Variants in ABHD2 observed in about 807,000 individuals in gnomAD.
ABHD2 encodes the protein abhydrolase domain containing 2, acylglycerol lipase, also known as monoacylglycerol lipase ABHD2.
Under a neutral mutation model 48.1 loss-of-function variants are expected in ABHD2, and 20 were observed. That is an observed-to-expected ratio of 0.42 (90% CI 0.29 to 0.60). The LOEUF (loss-of-function observed/expected upper bound fraction) is 0.60, where lower values mean the gene tolerates loss of function less well. Among genes scored for constraint, ABHD2 ranks in the 20% least tolerant of loss-of-function variants. The pLI is 0.24. For synonymous variants in ABHD2, 209 were observed against 214.2 expected, an observed-to-expected ratio of 0.98 and a Z score of 0.21; for missense variants, 405 against 550.9, an observed-to-expected ratio of 0.74 and a Z score of 2.65.
intron 1 of ABHD2, among the ~76,000 whole-genome samples, chr15:89,111,931 G>T (rs1479839063): frequency 6.6e-6 from 1 of 150,804 alleles, no homozygotes; most frequent in Non-Finnish European, 1.5e-5. Context: ...TTTTTCTAGG[G>T]ATTTTTTATT....
chr15:89,118,124 C>T (rs897165404), intron 3 of ABHD2, among the ~76,000 whole-genome samples: 5 of 151,950 alleles, frequency 3.3e-5, no homozygotes, highest in Non-Finnish European at 5.9e-5. Flanking sequence ...AGGGTGTGCA[C>T]GGTATATGTT....
intron 5 of ABHD2, among the ~76,000 whole-genome samples, chr15:89,171,663 C>T (rs896711085): frequency 1.3e-5 from 2 of 152,142 alleles, no homozygotes; most frequent in African/African-American, 4.8e-5. Flanking sequence ...GGCTAAGCAG[C>T]GCCCCCATCT....
rs1204005233 is a variant in ABHD2, at chr15:89,155,615, A to T, written c.538+81A>T. The T allele has an allele frequency of 2.0e-6, 3 of 1,528,616 alleles. No individual in the cohort carries two copies. In the African/African-American group the frequency reaches 4.2e-5, roughly 21 times the overall value. The allele number at this position is 1,528,616 out of a possible 1,614,324, so 94.7% of individuals were successfully genotyped here. On this transcript the variant is annotated intron_variant, in intron 5 of 10. Coordinates refer to ENST00000352732, the MANE Select transcript of ABHD2 (RefSeq NM_152924.5). This position sits in a 1 kb window ranked among gnomAD's most constrained non-coding sequence, Gnocchi z 4.9. ...CTTCTGCCTTGTTTTTTCTTTTTTT[A>T]AGTTTTAAACCTATGCCCATCTGCA...
At chr15:89,180,104 G>C (rs2051083552) in intron 6 of ABHD2, among the ~76,000 whole-genome samples, 1 of 152,186 alleles carries the variant, frequency 6.6e-6, no homozygotes, top group Non-Finnish European at 1.5e-5. Flanking sequence ...TGTGCCATCA[G>C]TAATTTTGAA....
chr15:89,144,138 T>C (rs530520636), intron 3 of ABHD2, among the ~76,000 whole-genome samples: 14 of 152,146 alleles, frequency 9.2e-5, no homozygotes, highest in Non-Finnish European at 1.8e-4. Context: ...CCAATGTCTT[T>C]TTTCTTTTTT....
intron 10 of ABHD2, 74 bp downstream of exon 10, chr15:89,193,393 C>T: frequency 8.3e-7 from 1 of 1,198,018 alleles, no homozygotes; most frequent in East Asian, 2.3e-5. Context: ...CTTCACCATG[C>T]TGTCATCTCC....
upstream of ABHD2, among the ~76,000 whole-genome samples, chr15:89,085,335 G>A (rs1901332825): frequency 6.7e-6 from 1 of 150,114 alleles, no homozygotes; most frequent in Non-Finnish European, 1.5e-5. The surrounding 1 kb of genome is among the most constrained non-coding windows in gnomAD (Gnocchi z 4.2). Context: ...AATCCCAACG[G>A]GCCACTAAAC....
At chr15:89,158,393 G>A (rs1284993917) in intron 5 of ABHD2, among the ~76,000 whole-genome samples, 3 of 152,212 alleles carry the variant, frequency 2.0e-5, no homozygotes, top group Non-Finnish European at 4.4e-5. Flanking sequence ...GTACTGTTGG[G>A]GCTGTAGGCC....
the ABHD2 span, among the ~76,000 whole-genome samples, chr15:89,057,262 A>G: frequency 3.3e-5 from 5 of 152,194 alleles, no homozygotes; most frequent in South Asian, 4.1e-4. Flanking sequence ...TAAAGGATCT[A>G]TTGAAGCCCC....
Position 89,151,918 on chromosome 15 carries a change from A to G in ABHD2, c.370+66A>G. ...GAAGGAGCACTAGTCAGTGGAGAGC[A>G]CAGCAGTGTGAATACTTGTGCCACT... is the stretch of plus-strand genomic sequence containing the variant. On this transcript the variant is annotated intron_variant, in intron 4 of 10. Transcript: ENST00000352732. The surrounding 1 kb of genome is among the most constrained non-coding windows in gnomAD (Gnocchi z 4.7). The G allele has an allele frequency of 4.5e-6, 7 of 1,557,454 alleles. No homozygotes were observed. The highest frequency in any genetic ancestry group is 6.1e-6 in the Non-Finnish European group (7 of 1,148,608).
chr15:89,172,720 A>G (rs1456908751), intron 5 of ABHD2, among the ~76,000 whole-genome samples: 1 of 152,232 alleles, frequency 6.6e-6, no homozygotes, highest in Non-Finnish European at 1.5e-5. Context: ...AAACAACTCT[A>G]CGAAGTCTTT....
In ABHD2 at chr15:89,183,380, AAAAAATATATAT is replaced by A. The variant is rs1413795475; in HGVS notation, c.723-2042_723-2031del. Reference sequence around the variant, plus strand: ...CATCAGTCCTTTTCAAAAAAAAAAAAAAAAATATATATATATATATATATATATATATATATG... The same window carrying A: ...CATCAGTCCTTTTCAAAAAAAAAAAAATATATATATATATATATATATATG... On this transcript the variant is annotated intron_variant, in intron 6 of 10. Transcript: ENST00000352732. 7.2e-4 allele frequency: 42 copies of A among 58,408 alleles called. 1 individual carries two copies. The highest frequency in any genetic ancestry group is 7.9e-3 in the Middle Eastern group (1 of 126). 3.6% of individuals were successfully genotyped at this position (58,408 alleles called of 1,614,324 possible). A position where few individuals can be genotyped will look rare whatever the true frequency, so the allele number is the denominator to read the frequency against.
At position 89,106,968 on chromosome 15, in the gene ABHD2, G is replaced by C. The variant is rs1247313668; in HGVS notation, c.-106-6757G>C. Among the ~76,000 whole-genome samples the C allele has an allele frequency of 1.3e-5, 2 of 152,160 alleles. No homozygotes were observed. Among genetic ancestry groups the C allele is most frequent in the African/African-American group, 4.8e-5 (2 of 41,442 alleles). The stretch of plus-strand genomic sequence containing the variant: ...GGAAACAGACCATGTTTTTGGGGTG[G>C]TGTGCTGTGGCCTTCTGCTGTCCTT... On this transcript the variant is annotated intron_variant, in intron 1 of 10. Transcript: ENST00000352732. The surrounding 1 kb of genome is among the most constrained non-coding windows in gnomAD (Gnocchi z 4.2).
the ABHD2 span, among the ~76,000 whole-genome samples, chr15:89,045,020 G>C: frequency 6.6e-6 from 1 of 152,012 alleles, no homozygotes; most frequent in Non-Finnish European, 1.5e-5. Flanking sequence ...TTTTCTTCTA[G>C]GGTTTTTATG....
In ABHD2 at chr15:89,176,676, A is replaced by T. The variant is rs894129000; in HGVS notation, c.722+681A>T. On this transcript the variant is annotated intron_variant, in intron 6 of 10. Transcript: ENST00000352732. This position sits in a 1 kb window ranked among gnomAD's most constrained non-coding sequence, Gnocchi z 4.5. Reference sequence around the variant, plus strand: ...TCACCACACTCACACGTTCACACACACATGCACACACTCACACTATACACA... The same window carrying T: ...TCACCACACTCACACGTTCACACACTCATGCACACACTCACACTATACACA... Among the ~76,000 whole-genome samples the T allele has an allele frequency of 6.6e-6, 1 of 152,130 alleles. No individual in the cohort carries two copies. Among genetic ancestry groups the T allele is most frequent in the South Asian group, 2.1e-4 (1 of 4,824 alleles).
At chr15:89,080,068 T>G in the ABHD2 span, among the ~76,000 whole-genome samples, 2 of 152,342 alleles carry the variant, frequency 1.3e-5, no homozygotes, top group South Asian at 4.1e-4. Context: ...TACCCTGGCC[T>G]CAGCTTGCTC....
At chr15:89,149,641 A>G (rs2050558985) in intron 3 of ABHD2, among the ~76,000 whole-genome samples, 1 of 152,220 alleles carries the variant, frequency 6.6e-6, no homozygotes, top group African/African-American at 2.4e-5. Context: ...AAAGACAAGT[A>G]GTAGGTGGCC....
chr15:89,152,552 G>A (rs778661299), intron 4 of ABHD2, among the ~76,000 whole-genome samples: 3 of 152,254 alleles, frequency 2.0e-5, no homozygotes, highest in East Asian at 1.9e-4. Flanking sequence ...CTCAAATAGC[G>A]CTGTGAGGCT....
chr15:89,062,831 C>A, the ABHD2 span, among the ~76,000 whole-genome samples: 1 of 152,048 alleles, frequency 6.6e-6, no homozygotes, highest in African/African-American at 2.4e-5. Flanking sequence ...ACGCTAAAGC[C>A]GGCCTGTCTC....
Sources: allele counts gnomAD v4.1 joint callset (sites outside exome capture counted in the v4.1 genomes callset), GRCh38; gene constraint gnomAD v4.1.1; non-coding constraint Gnocchi (gnomAD v3.1); transcripts MANE v1.5; gene names NCBI Gene and HGNC (gene_info 2026-07-23, HGNC 2026-07-21).